UGT1A1: variants seen among roughly 807,000 people sequenced by gnomAD.
UGT1A1 encodes UDP-glucuronosyltransferase 1A1.
A neutral mutation model predicts 40.6 loss-of-function variants in UGT1A1; 33 were observed. The observed-to-expected ratio is 0.81, with a 90% CI of 0.62 to 1.09. UGT1A1 has a LOEUF of 1.09. Ranked by LOEUF, UGT1A1 falls within the 50% of genes least tolerant of loss-of-function variation. UGT1A1 has a pLI of 0.00. For synonymous variants in UGT1A1, 249 were observed against 265.0 expected, an observed-to-expected ratio of 0.94 and a Z score of 0.59; for missense variants, 694 against 671.2, an observed-to-expected ratio of 1.03 and a Z score of -0.38.
intron 1 of UGT1A1, among the ~76,000 whole-genome samples, chr2:233,765,626 G>A (rs892364448): frequency 2.0e-5 from 3 of 151,774 alleles, no homozygotes; most frequent in Admixed American, 2.0e-4. Context: ...GGTGAGGGGA[G>A]GAACTTAGAG....
intron 1 of UGT1A1, among the ~76,000 whole-genome samples, 167 bp downstream of exon 1, chr2:233,761,318 C>T (rs1697742330): frequency 6.6e-6 from 1 of 152,218 alleles, no homozygotes; most frequent in South Asian, 2.1e-4. Context: ...TTGGCATCAT[C>T]TTCTGGATGA....
At chr2:233,772,210 A>AT in intron 4 of UGT1A1, 52 bp from the exon 5 acceptor site, 1 of 1,610,530 alleles carries the variant, frequency 6.2e-7, no homozygotes, top group Non-Finnish European at 8.5e-7. Context: ...TAAAGAGAGG[A>AT]TTGTTCATAC....
chr2:233,767,903 C>T lies in UGT1A1; in HGVS notation c.1051C>T (p.Leu351Phe), dbSNP rs549391527. 1 of 1,614,178 alleles carries T rather than the reference C, an allele frequency of 6.2e-7. No homozygotes were observed. Among genetic ancestry groups the T allele is most frequent in the Admixed American group, 1.7e-5 (1 of 60,018 alleles). Residue 351 changes from leucine to phenylalanine, a missense_variant, in exon 3 of 5, where the codon CTT becomes TTT. Coordinates refer to ENST00000305208, the MANE Select transcript of UGT1A1 (RefSeq NM_000463.3). ...ATCGAATCTTGCGAACAACACGATA[C>T]TTGTTAAGTGGCTACCCCAAAACGA... Reference protein sequence around the residue: ...RPSNLANNTILVKWLPQNDLL... With the variant: ...RPSNLANNTIFVKWLPQNDLL...
In UGT1A1 at chr2:233,760,446, G is replaced by T. The variant is rs149071335; in HGVS notation, c.159G>T (p.Arg53Ser). Residue 53 changes from arginine to serine, a missense_variant, in exon 1 of 5, where the codon AGG (arginine) becomes AGT (serine). By Grantham distance (110) the Arg-to-Ser change is moderately radical (BLOSUM62 -1). Transcript: ENST00000305208. ...MLGAIQQLQQ[R>S]GHEIVVLAPD... Reference sequence around the variant, plus strand: ...GGGCCATCCAGCAGCTGCAGCAGAGGGGACATGAAATAGTTGTCCTAGCAC... The same window carrying T: ...GGGCCATCCAGCAGCTGCAGCAGAGTGGACATGAAATAGTTGTCCTAGCAC... The T allele has an allele frequency of 6.2e-7, 1 of 1,614,210 alleles. No homozygotes were observed. Among genetic ancestry groups the T allele is most frequent in the Non-Finnish European group, 8.5e-7 (1 of 1,180,034 alleles).
chr2:233,769,856 T>TAAA lies in UGT1A1; in HGVS notation c.1304+1417_1304+1418insAAA. ...CTGGGCAACAGAGTGAGACCCTGTCTCAAAAAAAAAAAAAAAAATGAAAAG... is the reference window on the plus strand; with the variant it reads ...CTGGGCAACAGAGTGAGACCCTGTCTAAACAAAAAAAAAAAAAAAAATGAAAAG... On this transcript the variant is annotated intron_variant, in intron 4 of 4. Transcript: ENST00000305208. This position sits in a 1 kb window ranked among gnomAD's most constrained non-coding sequence, Gnocchi z 4.4. 1 of 322,430 alleles carries TAAA rather than the reference T, an allele frequency of 3.1e-6. No individual in the cohort carries two copies. The highest frequency in any genetic ancestry group is 5.0e-6 in the Non-Finnish European group (1 of 199,342). 20.0% of individuals were successfully genotyped at this position (322,430 alleles called of 1,614,324 possible).
rs10445705 is a variant in UGT1A1 at position 233,768,141 on chromosome 2, G to A, written c.1085-79G>A. Reference sequence around the variant, plus strand: ...ATGTGAGTAACACTGAGTCTTTGGAGTGTTTTCAGAACCTAGATGTGTCCA... The same window carrying A: ...ATGTGAGTAACACTGAGTCTTTGGAATGTTTTCAGAACCTAGATGTGTCCA... On this transcript the variant is annotated intron_variant, in intron 3 of 4. Coordinates refer to ENST00000305208, the MANE Select transcript of UGT1A1 (RefSeq NM_000463.3). The A allele has an allele frequency of 3.8e-3, 6,135 of 1,610,076 alleles. 218 individuals carry two copies. The African/African-American group carries it at 0.07, about 18-fold the overall frequency.
At chr2:233,765,849 A>G (rs548142757) in intron 1 of UGT1A1, among the ~76,000 whole-genome samples, 8 of 152,220 alleles carry the variant, frequency 5.3e-5, no homozygotes, top group African/African-American at 1.7e-4. Flanking sequence ...TGTCCCCCTC[A>G]CAGAGCATGT....
At chr2:233,772,143 C>T in intron 4 of UGT1A1, 119 bp from the exon 5 acceptor site, 2 of 1,550,602 alleles carry the variant, frequency 1.3e-6, no homozygotes, top group Non-Finnish European at 1.7e-6. Flanking sequence ...ATAATAGAAA[C>T]AGGTTTCCTT....
intron 1 of UGT1A1, among the ~76,000 whole-genome samples, chr2:233,761,819 C>T (rs1222575733): frequency 6.6e-6 from 1 of 152,192 alleles, no homozygotes; most frequent in East Asian, 1.9e-4. Flanking sequence ...AGGAGAGGCT[C>T]CTTCAGATGG....
intron 1 of UGT1A1, among the ~76,000 whole-genome samples, chr2:233,763,329 T>C (rs752568926): frequency 2.0e-5 from 3 of 152,234 alleles, no homozygotes; most frequent in Non-Finnish European, 2.9e-5. Flanking sequence ...ATTATTTTTG[T>C]TTACATTTCC....
chr2:233,770,134 A>T (rs1182793290), intron 4 of UGT1A1: 14 of 152,284 alleles, frequency 9.2e-5, no homozygotes, highest in African/African-American at 3.4e-4. Flanking sequence ...AAAGTCCTCT[A>T]ATACATTATT....
chr2:233,767,266 T>A (rs1028095369), intron 2 of UGT1A1, 101 bp downstream of exon 2: 5 of 1,587,970 alleles, frequency 3.1e-6, no homozygotes, highest in Non-Finnish European at 4.3e-6. Flanking sequence ...AACCTTAGAT[T>A]TGGCTTTTCC....
In UGT1A1 at chr2:233,769,637, G is replaced by T; in HGVS notation, c.1304+1198G>T. On this transcript the variant is annotated intron_variant, in intron 4 of 4. Transcript: ENST00000305208. The surrounding 1 kb of genome is among the most constrained non-coding windows in gnomAD (Gnocchi z 4.4). ...GCTTGAGCAAGGGACAACAGGGGAG[G>T]ACTGATGACTGACTTCCCACCTTTG... is the stretch of plus-strand genomic sequence containing the variant. The T allele has an allele frequency of 1.2e-6, 2 of 1,610,100 alleles. No homozygotes were observed. The highest frequency in any genetic ancestry group is 2.2e-5 in the South Asian group (2 of 90,570).
At position 233,767,899 on chromosome 2, in the gene UGT1A1, G is replaced by T; in HGVS notation, c.1047G>T (p.Thr349=). Residue 349 remains threonine (T), a synonymous_variant, in exon 3 of 5, where the codon ACG becomes ACT. Transcript: ENST00000305208. The part of the protein sequence containing the change: ...GTRPSNLANN[T]ILVKWLPQND... ...GACCATCGAATCTTGCGAACAACAC[G>T]ATACTTGTTAAGTGGCTACCCCAAA... 1 of 1,614,142 alleles carries T rather than the reference G, an allele frequency of 6.2e-7. No individual in the cohort carries two copies. The highest frequency in any genetic ancestry group is 8.5e-7 in the Non-Finnish European group (1 of 1,180,040).
Position 233,769,475 on chromosome 2 carries a change from G to C in UGT1A1, c.1304+1036G>C. 1.2e-6 allele frequency: 2 copies of C among 1,611,166 alleles called. No individual in the cohort carries two copies. Among genetic ancestry groups the C allele is most frequent in the Non-Finnish European group, 1.7e-6 (2 of 1,178,526 alleles). On this transcript the variant is annotated intron_variant, in intron 4 of 4. Coordinates refer to ENST00000305208, the MANE Select transcript of UGT1A1 (RefSeq NM_000463.3). The surrounding 1 kb of genome is among the most constrained non-coding windows in gnomAD (Gnocchi z 4.4). ...TGTGCATTCATATGCGTGTGTGTGT[G>C]TGTGCGTGTGTTTATGAGAGTGTCC...
At chr2:233,762,448 C>T (rs2125997990) in intron 1 of UGT1A1, among the ~76,000 whole-genome samples, 1 of 152,302 alleles carries the variant, frequency 6.6e-6, no homozygotes, top group East Asian at 1.9e-4. Context: ...TCCCACTGCC[C>T]ACTTACCGAT....
At position 233,769,829 on chromosome 2, in the gene UGT1A1, A is replaced by C; in HGVS notation, c.1304+1390A>C. 1.4e-6 allele frequency: 1 copy of C among 707,246 alleles called. No homozygotes were observed. Among genetic ancestry groups the C allele is most frequent in the East Asian group, 3.2e-5 (1 of 31,212 alleles). The allele number at this position is 707,246 out of a possible 1,614,324, so 43.8% of individuals were successfully genotyped here. On this transcript the variant is annotated intron_variant, in intron 4 of 4. Transcript: ENST00000305208. This position sits in a 1 kb window ranked among gnomAD's most constrained non-coding sequence, Gnocchi z 4.4. ...GTGATCATGCCACTGCACTCCAGCA[A>C]CCTGGGCAACAGAGTGAGACCCTGT...
At chr2:233,766,404 G>T (rs990056235) in intron 1 of UGT1A1, among the ~76,000 whole-genome samples, 1 of 152,164 alleles carries the variant, frequency 6.6e-6, no homozygotes. Flanking sequence ...GCGTCCCTCC[G>T]CTGATGTGCT....
intron 4 of UGT1A1, chr2:233,771,063 C>A (rs913473960): frequency 6.6e-6 from 1 of 152,106 alleles, no homozygotes; most frequent in Non-Finnish European, 1.5e-5. Context: ...ATGACCGGCT[C>A]TCACAATAAC....
Sources: allele counts gnomAD v4.1 joint callset (sites outside exome capture counted in the v4.1 genomes callset), GRCh38; gene constraint gnomAD v4.1.1; non-coding constraint Gnocchi (gnomAD v3.1); transcripts MANE v1.5; gene names NCBI Gene and HGNC (gene_info 2026-07-23, HGNC 2026-07-21).